Variants in CHD7 observed in about 807,000 individuals in gnomAD.
The protein encoded by CHD7 is chromodomain helicase DNA binding protein 7.
A neutral mutation model predicts 307.3 loss-of-function variants in CHD7; 24 were observed. That is an observed-to-expected ratio of 0.08 (90% CI 0.06 to 0.11). The LOEUF is 0.11. Among genes scored for constraint, CHD7 ranks in the 10% least tolerant of loss-of-function variants. CHD7 has a pLI of 1.00. For missense variants in CHD7, 3,106 were observed against 3,727.1 expected, an observed-to-expected ratio of 0.83 and a Z score of 4.34; for synonymous variants, 1,363 against 1,349.9, an observed-to-expected ratio of 1.01 and a Z score of -0.21.
At chr8:60,745,691 GAACATAAGGCTAGGGAGGTGTGA>G (rs1563565184) in intron 2 of CHD7, among the ~76,000 whole-genome samples, 1 of 152,120 alleles carries the variant, frequency 6.6e-6, no homozygotes, top group African/African-American at 2.4e-5. Context: ...ACTCAGTTTT[GAACATAAGGCTAGGGAGGTGTGA>G]AGTCTCAGGC....
At chr8:60,775,084 AT>A (rs1160382902) in intron 2 of CHD7, among the ~76,000 whole-genome samples, 1 of 152,012 alleles carries the variant, frequency 6.6e-6, no homozygotes, top group African/African-American at 2.4e-5. Context: ...GCCATTTAAG[AT>A]TTTGTTTATA....
At chr8:60,854,148 C>A (rs1020713537) in intron 31 of CHD7, among the ~76,000 whole-genome samples, 8 of 152,180 alleles carry the variant, frequency 5.3e-5, no homozygotes, top group African/African-American at 1.9e-4. Context: ...CCTCTCTAAG[C>A]CTCTGTGTCA....
chr8:60,773,175 G>C (rs765886426), intron 2 of CHD7, among the ~76,000 whole-genome samples: 1 of 152,208 alleles, frequency 6.6e-6, no homozygotes, highest in South Asian at 2.1e-4. Flanking sequence ...TCTGCTTGTG[G>C]CCTGGGAGAT....
chr8:60,824,118 A>C (rs1586394075), intron 13 of CHD7, 102 bp downstream of exon 13: 1 of 1,027,674 alleles, frequency 9.7e-7, no homozygotes, highest in African/African-American at 1.6e-5. Flanking sequence ...GTATTTGAAA[A>C]GCTTGTCAAA....
At chr8:60,743,200 T>C in intron 2 of CHD7, 103 bp downstream of exon 2, 2 of 938,230 alleles carry the variant, frequency 2.1e-6, no homozygotes, top group East Asian at 5.2e-5. Context: ...GCTTTTTCAT[T>C]ATGAGTGCCT....
At chr8:60,845,522 C>A in intron 23 of CHD7, 113 bp downstream of exon 23, 1 of 1,173,438 alleles carries the variant, frequency 8.5e-7, no homozygotes, top group Non-Finnish European at 1.2e-6. Flanking sequence ...TTTGGAGGGT[C>A]AACTGAGGGA....
chr8:60,768,819 A>G (rs1810585458), intron 2 of CHD7, among the ~76,000 whole-genome samples: 1 of 117,508 alleles, frequency 8.5e-6, no homozygotes, highest in South Asian at 3.7e-4. Context: ...TTGAATAATA[A>G]CGTTAAGCTA....
rs1805405487 is a variant in CHD7 at position 60,678,797 on chromosome 8, G to GGCGGCA, written c.-455_-454insAGCGGC. On this transcript the variant is annotated 5_prime_UTR_variant, in exon 1 of 38. Transcript: ENST00000423902. ...CGGCGGCGGCGGCGGCGGCAGCGGCGGCGGCGGCGGCGGCGCGGGGGTTGA... is the reference window on the plus strand; with the variant it reads ...CGGCGGCGGCGGCGGCGGCAGCGGCGGCGGCAGCGGCGGCGGCGGCGCGGGGGTTGA... The GGCGGCA allele has an allele frequency of 7.3e-6, 1 of 137,294 alleles. No homozygotes were observed. Among genetic ancestry groups the GGCGGCA allele is most frequent in the African/African-American group, 2.8e-5 (1 of 36,184 alleles). 8.5% of individuals were successfully genotyped at this position (137,294 alleles called of 1,614,324 possible). A position where few individuals can be genotyped will look rare whatever the true frequency, so the allele number is the denominator to read the frequency against.
At chr8:60,738,881 T>TAGTAGAAGGGCGTAGGGAACAGGAAGAGG (rs1563556475) in intron 1 of CHD7, among the ~76,000 whole-genome samples, 2 of 152,138 alleles carry the variant, frequency 1.3e-5, no homozygotes, top group Non-Finnish European at 2.9e-5. Context: ...GATGGACACT[T>TAGTAGAAGGGCGTAGGGAACAGGAAGAGG]AGTAGAAGGG....
intron 37 of CHD7, 159 bp downstream of exon 37, chr8:60,862,811 A>G: frequency 1.8e-6 from 1 of 557,678 alleles, no homozygotes; most frequent in East Asian, 3.0e-5. Flanking sequence ...TACATCATTA[A>G]TACATCATTA....
rs1283089914 is a variant in CHD7 at position 60,693,368 on chromosome 8, C to T, written c.-175+14286C>T. ...CTGCTGCACCCTTTAGACCTTGCCA[C>T]CCCATTGCTCCTGCCGCTCAGCCTT... On this transcript the variant is annotated intron_variant, in intron 1 of 37. Coordinates refer to ENST00000423902, the MANE Select transcript of CHD7 (RefSeq NM_017780.4). Among the ~76,000 whole-genome samples, 4 of 152,340 alleles carry T rather than the reference C, an allele frequency of 2.6e-5. No homozygotes were observed. In the East Asian group the frequency reaches 7.7e-4, roughly 29 times the overall value.
Position 60,830,522 on chromosome 8 carries a change from A to G in CHD7, c.3723A>G (p.Leu1241=), listed in dbSNP as rs1269651190. The G allele has an allele frequency of 2.5e-6, 4 of 1,614,002 alleles. No homozygotes were observed. The East Asian group carries it at 6.7e-5, about 27-fold the overall frequency. The part of the protein sequence containing the change: ...KGGGQANVPN[L]LNTMMELRKC... ...GTGGTCAAGCTAACGTACCTAACCT[A>G]TTAAACACTATGATGGAATTGCGGA... Residue 1241 remains leucine (L), a synonymous_variant, in exon 15 of 38, where the codon CTA becomes CTG. Coordinates refer to ENST00000423902, the MANE Select transcript of CHD7 (RefSeq NM_017780.4).
At position 60,828,741 on chromosome 8, in the gene CHD7, C is replaced by G. The variant is rs1344277062; in HGVS notation, c.3457C>G (p.Pro1153Ala). 5 of 1,613,558 alleles carry G rather than the reference C, an allele frequency of 3.1e-6. No individual in the cohort carries two copies. In the South Asian group the frequency reaches 4.4e-5, roughly 14 times the overall value. Reference protein sequence around the residue: ...ELFSLLHFLEPSRFPSETTFM... With the variant: ...ELFSLLHFLEASRFPSETTFM... ...CTTCAGCTTGCTTCATTTCTTGGAA[C>G]CAAGTCGCTTCCCTTCAGAAACCAC... The change falls in exon 14 of 38, where the codon CCA becomes GCA. Residue 1153 changes from proline to alanine, a missense_variant. Transcript: ENST00000423902.
At chr8:60,740,988 C>A (rs921120613) in intron 1 of CHD7, among the ~76,000 whole-genome samples, 1 of 152,170 alleles carries the variant, frequency 6.6e-6, no homozygotes, top group South Asian at 2.1e-4. Context: ...AAGAATGGAA[C>A]GCTAGGAAGT....
intron 1 of CHD7, among the ~76,000 whole-genome samples, chr8:60,729,654 T>C (rs938477339): frequency 6.6e-6 from 1 of 152,232 alleles, no homozygotes; most frequent in African/African-American, 2.4e-5. Flanking sequence ...CTGGTTCTGT[T>C]TGTAATCTTT....
At chr8:60,706,580 C>T (rs912276819) in intron 1 of CHD7, among the ~76,000 whole-genome samples, 2 of 151,974 alleles carry the variant, frequency 1.3e-5, no homozygotes, top group East Asian at 1.9e-4. Flanking sequence ...ATTGAATACT[C>T]AGAAGTAGGA....
At chr8:60,696,850 T>G (rs566729433) in intron 1 of CHD7, among the ~76,000 whole-genome samples, 1 of 151,988 alleles carries the variant, frequency 6.6e-6, no homozygotes, top group Non-Finnish European at 1.5e-5. Flanking sequence ...CATGTTTTTT[T>G]TTTTTCTTTT....
chr8:60,821,911 C>T lies in CHD7; in HGVS notation c.2819C>T (p.Pro940Leu), dbSNP rs753887911. 1.5e-5 allele frequency: 24 copies of T among 1,612,518 alleles called. No homozygotes were observed. Among genetic ancestry groups the T allele is most frequent in the East Asian group, 4.5e-5 (2 of 44,846 alleles). ...TTTGAGAAACTAATGTCCAGGGAGC[C>T]GGAAACAGAGCGTGTGGTAAGAATT... is the stretch of plus-strand genomic sequence containing the variant. ...EEFEKLMSREPETERVERPPA... is the reference protein window; with the variant it reads ...EEFEKLMSRELETERVERPPA... The change falls in exon 10 of 38, where the codon CCG becomes CTG. Residue 940 changes from proline (P) to leucine (L), a missense_variant. Physicochemically the swap from Pro to Leu is moderately conservative, Grantham distance 98 (BLOSUM62 -3). Transcript: ENST00000423902.
chr8:60,828,833 C>A, intron 14 of CHD7, 27 bp downstream of exon 14: 1 of 1,599,930 alleles, frequency 6.3e-7, no homozygotes, highest in Non-Finnish European at 8.5e-7. Context: ...CTTTGTATTT[C>A]AGTTATAAAA....
Sources: gnomAD v4.1 joint callset for allele counts (sites outside exome capture counted in the v4.1 genomes callset) on GRCh38, gnomAD v4.1.1 for gene constraint, MANE v1.5 for transcripts, NCBI Gene and HGNC (gene_info 2026-07-23, HGNC 2026-07-21) for gene names.